SIPA1L2: variants seen among roughly 807,000 people sequenced by gnomAD.
The protein encoded by SIPA1L2 is signal-induced proliferation-associated 1-like protein 2.
In SIPA1L2, 56 loss-of-function variants were observed where a neutral mutation model predicts 163.9. The observed-to-expected ratio is 0.34, with a 90% CI of 0.28 to 0.43. SIPA1L2 has a LOEUF of 0.43. Ranked by LOEUF, SIPA1L2 falls within the 20% of genes least tolerant of loss-of-function variation. The pLI is 1.00. For synonymous variants in SIPA1L2, 877 were observed against 865.7 expected, an observed-to-expected ratio of 1.01 and a Z score of -0.23; for missense variants, 1,974 against 2,193.5, an observed-to-expected ratio of 0.90 and a Z score of 2.00.
chr1:232,594,167 G>T (rs941217190), intron 1 of SIPA1L2, among the ~76,000 whole-genome samples: 1 of 152,190 alleles, frequency 6.6e-6, no homozygotes, highest in Non-Finnish European at 1.5e-5. Context: ...AGTCGGACTA[G>T]AACAGGCTTG....
chr1:232,621,662 A>G (rs1662818010), intron 1 of SIPA1L2, among the ~76,000 whole-genome samples: 2 of 152,198 alleles, frequency 1.3e-5, no homozygotes, highest in African/African-American at 4.8e-5. Flanking sequence ...GCCTTTAAGA[A>G]TATCTCTCCC....
intron 1 of SIPA1L2, among the ~76,000 whole-genome samples, chr1:232,591,791 C>A (rs777268660): frequency 1.3e-5 from 2 of 152,172 alleles, no homozygotes; most frequent in African/African-American, 2.4e-5. Flanking sequence ...AGTCAGTGAA[C>A]GGAGGTTGCT....
At chr1:232,556,279 ATC>A (rs2102732086) in intron 2 of SIPA1L2, among the ~76,000 whole-genome samples, 1 of 152,296 alleles carries the variant, frequency 6.6e-6, no homozygotes, top group East Asian at 1.9e-4. Context: ...CCCAACATCT[ATC>A]TCATCTGTTG....
chr1:232,518,370 G>A (rs1667304925), intron 2 of SIPA1L2, among the ~76,000 whole-genome samples: 1 of 152,140 alleles, frequency 6.6e-6, no homozygotes, highest in African/African-American at 2.4e-5. Context: ...CACGTGGCCA[G>A]TTAAGAATAC....
At chr1:232,522,763 A>G (rs1667514669) in intron 2 of SIPA1L2, among the ~76,000 whole-genome samples, 1 of 152,234 alleles carries the variant, frequency 6.6e-6, no homozygotes, top group Non-Finnish European at 1.5e-5. Context: ...TGGGATCTAA[A>G]GCCGTGAAAT....
intron 1 of SIPA1L2, among the ~76,000 whole-genome samples, chr1:232,580,467 T>C (rs1425944786): frequency 6.6e-6 from 1 of 152,156 alleles, no homozygotes; most frequent in Non-Finnish European, 1.5e-5. Flanking sequence ...CAGCCTCATT[T>C]TACTCAGCCC....
At position 232,514,721 on chromosome 1, in the gene SIPA1L2, T is replaced by C. The variant is rs1226306362; in HGVS notation, c.619A>G (p.Asn207Asp). ...SIDRQGLSGE[N>D]FFAMLRGYRV... ...TACCCTCTGAGCATAGCAAAAAAGT[T>C]TTCACCAGATAAGCCTTGCCTGTCG... Residue 207 changes from asparagine to aspartate, a missense_variant, in exon 3 of 23, where the codon AAC (asparagine) becomes GAC (aspartate). Around this residue, in one of 3 missense-constraint regions of SIPA1L2, gnomAD observed 607 missense variants for 624.0 expected, o/e 0.97. Transcript: ENST00000674635. 5.0e-6 allele frequency: 8 copies of C among 1,614,058 alleles called. No homozygotes were observed. Among genetic ancestry groups the C allele is most frequent in the Non-Finnish European group, 8.5e-7 (1 of 1,180,024 alleles).
At chr1:232,499,294 T>A (rs1666349881) in intron 3 of SIPA1L2, among the ~76,000 whole-genome samples, 1 of 152,062 alleles carries the variant, frequency 6.6e-6, no homozygotes, top group African/African-American at 2.4e-5. Context: ...AACCAAACAG[T>A]GAACCAAGTA....
At chr1:232,480,521 T>C (rs1665292506) in intron 6 of SIPA1L2, among the ~76,000 whole-genome samples, 1 of 152,198 alleles carries the variant, frequency 6.6e-6, no homozygotes, top group African/African-American at 2.4e-5. Context: ...TCCATCTGTA[T>C]TATCAATAAG....
intron 3 of SIPA1L2, among the ~76,000 whole-genome samples, chr1:232,512,562 C>T (rs1472649921): frequency 2.0e-5 from 3 of 152,146 alleles, no homozygotes; most frequent in Non-Finnish European, 4.4e-5. Context: ...AGCTCATGTC[C>T]TTTGCAGGGA....
In SIPA1L2 at chr1:232,435,221, T is replaced by C. The variant is rs115726374; in HGVS notation, c.4032-2750A>G. 9.6e-3 allele frequency among the ~76,000 whole-genome samples: 1,465 copies of C among 152,296 alleles called. 24 individuals are homozygous for C. The highest frequency in any genetic ancestry group is 0.034 in the African/African-American group (1,416 of 41,542). ...TGACCAAAGCGTATAGTTTTGAAAATGTATAGGTAATGATAGCGTGATCAC... is the reference window on the plus strand; with the variant it reads ...TGACCAAAGCGTATAGTTTTGAAAACGTATAGGTAATGATAGCGTGATCAC... On this transcript the variant is annotated intron_variant, in intron 15 of 22. Transcript: ENST00000674635.
chr1:232,526,700 T>C (rs1243497332), intron 2 of SIPA1L2, among the ~76,000 whole-genome samples: 1 of 152,208 alleles, frequency 6.6e-6, no homozygotes, highest in African/African-American at 2.4e-5. Context: ...TGCCCTGCCC[T>C]GAGTTGATAA....
chr1:232,436,727 C>G (rs1032214789), intron 15 of SIPA1L2, among the ~76,000 whole-genome samples: 1 of 152,204 alleles, frequency 6.6e-6, no homozygotes, highest in African/African-American at 2.4e-5. Context: ...GCCTTTCACT[C>G]AACACACAGA....
chr1:232,572,571 A>C (rs960162418), intron 2 of SIPA1L2, among the ~76,000 whole-genome samples: 6 of 151,414 alleles, frequency 4.0e-5, no homozygotes, highest in African/African-American at 1.5e-4. Flanking sequence ...GTATGTACTT[A>C]TGTACTCACA....
rs12048076 is a variant in SIPA1L2, at chr1:232,414,752, G to A, written c.4762+742C>T. ...ACTCACTGAAGAATGCAGCGGCAAA[G>A]GGCAAAACGTCATAAGTCACGATCC... On this transcript the variant is annotated intron_variant, in intron 19 of 22. Transcript: ENST00000674635. 0.031 allele frequency among the ~76,000 whole-genome samples: 4,769 copies of A among 152,264 alleles called. 548 individuals are homozygous for A. In the East Asian group the frequency reaches 0.4, roughly 13 times the overall value.
At chr1:232,569,946 C>G (rs1659622421) in intron 2 of SIPA1L2, among the ~76,000 whole-genome samples, 1 of 152,206 alleles carries the variant, frequency 6.6e-6, no homozygotes, top group Non-Finnish European at 1.5e-5. Context: ...CACCATCCCT[C>G]CAATACTTAT....
At chr1:232,536,192 G>A (rs1433037614) in intron 2 of SIPA1L2, among the ~76,000 whole-genome samples, 1 of 152,188 alleles carries the variant, frequency 6.6e-6, no homozygotes. Flanking sequence ...CTAAAAGTCA[G>A]GTTATCCCAT....
chr1:232,439,580 A>G (rs968448447), intron 14 of SIPA1L2, 84 bp from the exon 15 acceptor site: 6 of 1,494,054 alleles, frequency 4.0e-6, no homozygotes, highest in East Asian at 2.3e-5. Flanking sequence ...GCTACAAGCC[A>G]TGGGATCGCA....
rs1435945095 is a variant in SIPA1L2 at position 232,465,121 on chromosome 1, C to T, written c.2539G>A (p.Ala847Thr). 6.2e-7 allele frequency: 1 copy of T among 1,614,196 alleles called. No individual in the cohort carries two copies. The highest frequency in any genetic ancestry group is 1.3e-5 in the African/African-American group (1 of 75,038). The change falls in exon 9 of 23, where the codon GCC becomes ACC. Residue 847 changes from alanine (A) to threonine (T), a missense_variant. Around this residue, in one of 3 missense-constraint regions of SIPA1L2, gnomAD observed 1,079 missense variants for 1,150.7 expected, o/e 0.94. Coordinates refer to ENST00000674635, the MANE Select transcript of SIPA1L2 (RefSeq NM_020808.5). The surrounding 1 kb of genome is among the most constrained non-coding windows in gnomAD (Gnocchi z 4.1). ...ATGGCCCCAATGCTAAACAAGTGGG[C>T]ATCCTTCCTTGGCTTTACCTTCTCC... is the stretch of plus-strand genomic sequence containing the variant. ...KKEKVKPRKD[A>T]HLFSIGAIMW...
Sources: gnomAD v4.1 joint callset for allele counts (sites outside exome capture counted in the v4.1 genomes callset) on GRCh38, gnomAD v4.1.1 for gene constraint, gnomAD v4.1.1 regional missense constraint, Gnocchi (gnomAD v3.1) non-coding constraint, MANE v1.5 for transcripts, NCBI Gene and HGNC (gene_info 2026-07-23, HGNC 2026-07-21) for gene names.